The following NR3C2 variants were observed in gnomAD, a reference collection of about 807,000 sequenced individuals.
NR3C2 encodes mineralocorticoid receptor.
Under a neutral mutation model 86.4 loss-of-function variants are expected in NR3C2, and 15 were observed. The ratio of observed to expected loss-of-function variants is 0.17; its 90% CI spans 0.12 to 0.27. The LOEUF is 0.27. Ranked by LOEUF, NR3C2 falls within the 10% of genes least tolerant of loss-of-function variation. The pLI is 1.00. For synonymous variants in NR3C2, 458 were observed against 450.5 expected, an observed-to-expected ratio of 1.02 and a Z score of -0.21; for missense variants, 960 against 1,195.6, an observed-to-expected ratio of 0.80 and a Z score of 2.91.
chr4:148,188,588 C>T (rs1307058472), intron 4 of NR3C2, among the ~76,000 whole-genome samples: 2 of 152,034 alleles, frequency 1.3e-5, no homozygotes, highest in Non-Finnish European at 1.5e-5. Flanking sequence ...TTCTTGTATC[C>T]GGAGACGTTG....
At chr4:148,156,180 A>G (rs1265701121) in intron 4 of NR3C2, among the ~76,000 whole-genome samples, 1 of 152,230 alleles carries the variant, frequency 6.6e-6, no homozygotes, top group East Asian at 1.9e-4. Flanking sequence ...CCTAGGCATT[A>G]CCATTCAGGA....
intron 8 of NR3C2, among the ~76,000 whole-genome samples, chr4:148,084,618 AAAC>A (rs1339028444): frequency 6.6e-6 from 1 of 152,234 alleles, no homozygotes; most frequent in African/African-American, 2.4e-5. Context: ...CTAATGGGCA[AAAC>A]AACCAGCTAG....
chr4:148,426,832 C>T (rs764851943), intron 2 of NR3C2, among the ~76,000 whole-genome samples: 1 of 152,228 alleles, frequency 6.6e-6, no homozygotes, highest in Non-Finnish European at 1.5e-5. Flanking sequence ...GACCTCCAGA[C>T]CAACATCGCC....
intron 1 of NR3C2, among the ~76,000 whole-genome samples, chr4:148,438,850 T>G (rs1750199413): frequency 6.6e-6 from 1 of 152,162 alleles, no homozygotes; most frequent in African/African-American, 2.4e-5. Flanking sequence ...ATGATCAATT[T>G]CACTACAGTA....
chr4:148,270,429 G>A (rs1258963458), intron 2 of NR3C2, among the ~76,000 whole-genome samples: 2 of 152,048 alleles, frequency 1.3e-5, no homozygotes, highest in Non-Finnish European at 2.9e-5. Context: ...AAATTTACAT[G>A]AGAACACATT....
intron 2 of NR3C2, among the ~76,000 whole-genome samples, chr4:148,348,733 T>C (rs182978172): frequency 2.0e-5 from 3 of 152,268 alleles, no homozygotes; most frequent in East Asian, 3.9e-4. Flanking sequence ...TTATGTCTAC[T>C]TGTAAGGGTT....
intron 4 of NR3C2, among the ~76,000 whole-genome samples, chr4:148,161,676 A>G (rs1160119745): frequency 6.6e-6 from 1 of 152,212 alleles, no homozygotes; most frequent in Non-Finnish European, 1.5e-5. Context: ...TATCTATAAT[A>G]AATATAAATT....
chr4:148,130,818 TG>T (rs1298960635), intron 6 of NR3C2, among the ~76,000 whole-genome samples: 2,136 of 70,498 alleles, frequency 0.03, 173 homozygotes, highest in African/African-American at 0.088. Flanking sequence ...TGTTTTGTTT[TG>T]TTTTTTTTTT....
At chr4:148,194,696 G>A in intron 4 of NR3C2, 50 bp downstream of exon 4, 1 of 1,208,222 alleles carries the variant, frequency 8.3e-7, no homozygotes. Context: ...TCTTAGTGCT[G>A]TTGCATTACC....
chr4:148,199,601 G>A (rs1437082879), intron 3 of NR3C2, among the ~76,000 whole-genome samples: 1 of 152,176 alleles, frequency 6.6e-6, no homozygotes, highest in African/African-American at 2.4e-5. Flanking sequence ...TACCCCTGCA[G>A]ACGAGAGAAG....
chr4:148,443,211 AC>A (rs1358919969), upstream of NR3C2, among the ~76,000 whole-genome samples: 1 of 113,882 alleles, frequency 8.8e-6, no homozygotes. Flanking sequence ...CATCCCTTAG[AC>A]CCCTAACACC....
At chr4:148,320,697 G>T (rs1281919444) in intron 2 of NR3C2, among the ~76,000 whole-genome samples, 1 of 151,984 alleles carries the variant, frequency 6.6e-6, no homozygotes, top group Non-Finnish European at 1.5e-5. Context: ...ATGGTAGTTT[G>T]TATTTCTGTG....
intron 3 of NR3C2, among the ~76,000 whole-genome samples, chr4:148,252,161 T>C (rs1375734175): frequency 6.6e-6 from 1 of 152,154 alleles, no homozygotes; most frequent in Non-Finnish European, 1.5e-5. Flanking sequence ...TCAAGAGGAT[T>C]AAAATGTGAA....
intron 3 of NR3C2, among the ~76,000 whole-genome samples, chr4:148,244,614 C>G (rs1469640999): frequency 6.6e-6 from 1 of 152,186 alleles, no homozygotes; most frequent in South Asian, 2.1e-4. Flanking sequence ...AACACACATG[C>G]AGGGTCTTAA....
rs532140893 is a variant in NR3C2 at position 148,142,442 on chromosome 4, G to T, written c.2510+10027C>A. On this transcript the variant is annotated intron_variant, in intron 6 of 8. Coordinates refer to ENST00000358102, the MANE Select transcript of NR3C2 (RefSeq NM_000901.5). Reference sequence around the variant, plus strand: ...GTCTCATGTTAAATTGTAATCCTCAGTGTTGGAGGTGGGGCCTGGTGGGAG... The same window carrying T: ...GTCTCATGTTAAATTGTAATCCTCATTGTTGGAGGTGGGGCCTGGTGGGAG... Among the ~76,000 whole-genome samples, 8 of 152,288 alleles carry T rather than the reference G, an allele frequency of 5.3e-5. No individual in the cohort carries two copies. In the South Asian group the frequency reaches 1.0e-3, roughly 20 times the overall value.
chr4:148,150,164 G>C (rs147564505), intron 6 of NR3C2, among the ~76,000 whole-genome samples: 126 of 152,232 alleles, frequency 8.3e-4, no homozygotes, highest in African/African-American at 3.0e-3. Flanking sequence ...CGGATGATTG[G>C]ATAAAATATT....
chr4:148,339,830 C>A (rs977287192), intron 2 of NR3C2, among the ~76,000 whole-genome samples: 4 of 151,872 alleles, frequency 2.6e-5, no homozygotes, highest in Non-Finnish European at 5.9e-5. Context: ...TTGTTAGAAC[C>A]AGTAAATGAA....
chr4:148,348,110 C>T (rs1745088529), intron 2 of NR3C2, among the ~76,000 whole-genome samples: 1 of 152,126 alleles, frequency 6.6e-6, no homozygotes, highest in South Asian at 2.1e-4. Context: ...CGGTTGGTGT[C>T]TCTCTCTCCT....
At position 148,154,445 on chromosome 4, in the gene NR3C2, G is replaced by A. The variant is rs181886067; in HGVS notation, c.2365+106C>T. ...ATCAATTTAAAAAATCTGATATCAGGATTTCATAGAACGCAAACTCCTCCT... is the reference window on the plus strand; with the variant it reads ...ATCAATTTAAAAAATCTGATATCAGAATTTCATAGAACGCAAACTCCTCCT... On this transcript the variant is annotated intron_variant, in intron 5 of 8. Coordinates refer to ENST00000358102, the MANE Select transcript of NR3C2 (RefSeq NM_000901.5). 769 of 1,018,340 alleles carry A rather than the reference G, an allele frequency of 7.6e-4. 12 individuals carry two copies. The Admixed American group carries it at 0.012, about 16-fold the overall frequency. The allele number at this position is 1,018,340 out of a possible 1,614,324, so 63.1% of individuals were successfully genotyped here.
Sources: allele counts gnomAD v4.1 joint callset (sites outside exome capture counted in the v4.1 genomes callset), GRCh38; gene constraint gnomAD v4.1.1; transcripts MANE v1.5; gene names NCBI Gene and HGNC (gene_info 2026-07-23, HGNC 2026-07-21).